PEX5L: variants seen among roughly 807,000 people sequenced by gnomAD.
PEX5L encodes the protein PEX5-related protein.
Under a neutral mutation model 84.0 loss-of-function variants are expected in PEX5L, and 30 were observed. The ratio of observed to expected loss-of-function variants is 0.36; its 90% CI spans 0.27 to 0.48. PEX5L has a LOEUF of 0.48. Ranked by LOEUF, PEX5L falls within the 20% of genes least tolerant of loss-of-function variation. The probability of loss-of-function intolerance (pLI) is 0.99; values close to 1 mark genes in which losing one functional copy is unlikely to be tolerated. For missense variants in PEX5L, 533 were observed against 754.6 expected (o/e 0.71, Z 3.44); for synonymous variants, 270 against 283.1 (o/e 0.95, Z 0.46).
intron 1 of PEX5L, among the ~76,000 whole-genome samples, chr3:180,014,133 T>C (rs1446080609): frequency 6.6e-6 from 1 of 152,244 alleles, no homozygotes. Context: ...TTCTGTGTCA[T>C]GTCACTAGTT....
chr3:179,877,440 G>A (rs1355217220), intron 5 of PEX5L, among the ~76,000 whole-genome samples: 1 of 152,124 alleles, frequency 6.6e-6, no homozygotes, highest in East Asian at 1.9e-4. Context: ...CATGCTTATT[G>A]TGTTATATTG....
intron 1 of PEX5L, among the ~76,000 whole-genome samples, chr3:180,003,993 T>C (rs374752710): frequency 1.4e-4 from 22 of 152,324 alleles, no homozygotes; most frequent in African/African-American, 5.3e-4. Context: ...ACAGGACGTC[T>C]TATGTTTGTC....
intron 4 of PEX5L, among the ~76,000 whole-genome samples, chr3:179,882,356 A>T (rs1754413886): frequency 6.6e-6 from 1 of 152,262 alleles, no homozygotes; most frequent in Non-Finnish European, 1.5e-5. Context: ...AACTTGGCTC[A>T]GTAAGGTTCT....
chr3:179,844,779 G>A (rs995140031), intron 8 of PEX5L, among the ~76,000 whole-genome samples: 5 of 152,148 alleles, frequency 3.3e-5, no homozygotes, highest in East Asian at 1.9e-4. Context: ...GCAGTGAGCC[G>A]AGATCATGCC....
intron 2 of PEX5L, among the ~76,000 whole-genome samples, chr3:179,924,931 A>AT: frequency 6.6e-6 from 1 of 152,242 alleles, no homozygotes; most frequent in Non-Finnish European, 1.5e-5. Context: ...AATCAAACAA[A>AT]TATAATAAGA....
intron 1 of PEX5L, among the ~76,000 whole-genome samples, chr3:180,006,931 C>T (rs1413632951): frequency 6.6e-6 from 1 of 152,058 alleles, no homozygotes; most frequent in African/African-American, 2.4e-5. Flanking sequence ...ACGATTCCAC[C>T]CCTTACTCCT....
At chr3:179,874,726 GTTTTTTTT>G (rs869167224) in intron 6 of PEX5L, among the ~76,000 whole-genome samples, 1 of 45,206 alleles carries the variant, frequency 2.2e-5, no homozygotes, top group Admixed American at 3.3e-4. Context: ...AAAAATTATG[GTTTTTTTT>G]TTTGTTTTTT....
At chr3:179,948,671 CTGT>C (rs1778262332) in intron 2 of PEX5L, among the ~76,000 whole-genome samples, 1 of 152,162 alleles carries the variant, frequency 6.6e-6, no homozygotes, top group Non-Finnish European at 1.5e-5. Context: ...TAGGTGCATA[CTGT>C]ATTTCTTCAC....
At chr3:179,924,850 A>T (rs886124711) in intron 2 of PEX5L, among the ~76,000 whole-genome samples, 1 of 150,802 alleles carries the variant, frequency 6.6e-6, no homozygotes, top group African/African-American at 2.4e-5. Flanking sequence ...CATAAGAGAA[A>T]ATTTTTTTTG....
At chr3:179,989,814 C>G (rs1241138531) in intron 1 of PEX5L, among the ~76,000 whole-genome samples, 1 of 152,154 alleles carries the variant, frequency 6.6e-6, no homozygotes, top group African/African-American at 2.4e-5. Context: ...GCTGTTTCCA[C>G]AGCATATATC....
At chr3:179,927,199 C>T (rs948859133) in intron 2 of PEX5L, among the ~76,000 whole-genome samples, 14 of 152,126 alleles carry the variant, frequency 9.2e-5, no homozygotes, top group African/African-American at 2.4e-4. Flanking sequence ...GTGAAGGACT[C>T]GGGTTCTTCC....
chr3:179,814,760 T>C (rs1445461752), intron 10 of PEX5L, among the ~76,000 whole-genome samples: 1 of 152,156 alleles, frequency 6.6e-6, no homozygotes, highest in Non-Finnish European at 1.5e-5. Context: ...TTTTCTAACA[T>C]GCAATCTGTT....
At position 180,003,954 on chromosome 3, in the gene PEX5L, C is replaced by G. The variant is rs543405405; in HGVS notation, c.22-32289G>C. On this transcript the variant is annotated intron_variant, in intron 1 of 14. Transcript: ENST00000467460. Reference sequence around the variant, plus strand: ...AGCTTCTACTGACCACTGCTTTTATCCCAATCAATATCTTCATTGACTATT... The same window carrying G: ...AGCTTCTACTGACCACTGCTTTTATGCCAATCAATATCTTCATTGACTATT... 1.3e-3 allele frequency among the ~76,000 whole-genome samples: 197 copies of G among 152,306 alleles called. 2 individuals carry two copies. Among genetic ancestry groups the G allele is most frequent in the South Asian group, 6.2e-3 (30 of 4,828 alleles).
chr3:179,802,860 CTTG>C (rs1170962500), intron 14 of PEX5L, among the ~76,000 whole-genome samples: 3 of 143,044 alleles, frequency 2.1e-5, no homozygotes, highest in Non-Finnish European at 4.6e-5. Context: ...AGGCAAATTT[CTTG>C]TTTTTTTTTT....
At chr3:179,965,451 T>G (rs1396452314) in intron 2 of PEX5L, among the ~76,000 whole-genome samples, 1 of 152,112 alleles carries the variant, frequency 6.6e-6, no homozygotes, top group Non-Finnish European at 1.5e-5. Context: ...TCAGAGAACT[T>G]AAACTGCTTA....
At chr3:179,992,104 T>C (rs1213792951) in intron 1 of PEX5L, among the ~76,000 whole-genome samples, 1 of 152,130 alleles carries the variant, frequency 6.6e-6, no homozygotes, top group Admixed American at 6.6e-5. Context: ...AGAGAACAAA[T>C]AGTCTAATCA....
At chr3:179,898,673 G>A (rs1760178609) in intron 2 of PEX5L, among the ~76,000 whole-genome samples, 1 of 151,868 alleles carries the variant, frequency 6.6e-6, no homozygotes, top group Non-Finnish European at 1.5e-5. Context: ...CTCCCACAGA[G>A]GGCTTTTGCT....
chr3:179,945,182 G>A (rs1203849516), intron 2 of PEX5L, among the ~76,000 whole-genome samples: 1 of 152,176 alleles, frequency 6.6e-6, no homozygotes, highest in Non-Finnish European at 1.5e-5. Context: ...CTAGCAACCA[G>A]AAGAAGCTGG....
chr3:179,861,899 A>G (rs1746294222), intron 7 of PEX5L, among the ~76,000 whole-genome samples: 1 of 152,212 alleles, frequency 6.6e-6, no homozygotes, highest in Non-Finnish European at 1.5e-5. Context: ...TGATTTCTTG[A>G]TATCATGTGA....
Sources: allele counts gnomAD v4.1 joint callset (sites outside exome capture counted in the v4.1 genomes callset), GRCh38; gene constraint gnomAD v4.1.1; transcripts MANE v1.5; gene names NCBI Gene and HGNC (gene_info 2026-07-23, HGNC 2026-07-21).